MDGA2: variants seen among roughly 807,000 people sequenced by gnomAD.
MDGA2 encodes MAM domain-containing glycosylphosphatidylinositol anchor protein 2.
In MDGA2, 40 loss-of-function variants were observed where a neutral mutation model predicts 117.8. That is an observed-to-expected ratio of 0.34 (90% CI 0.26 to 0.44). The LOEUF is 0.44. Ranked by LOEUF, MDGA2 falls within the 20% of genes least tolerant of loss-of-function variation. The pLI, the probability that MDGA2 is intolerant of heterozygous loss-of-function variation, is 1.00. For synonymous variants in MDGA2, 452 were observed against 439.0 expected (o/e 1.03, Z -0.37); for missense variants, 1,123 against 1,250.6 (o/e 0.90, Z 1.54).
At chr14:47,301,590 G>T (rs1889287463) in intron 1 of MDGA2, 40 bp from the exon 2 acceptor site, 2 of 1,549,558 alleles carry the variant, frequency 1.3e-6, no homozygotes, top group Non-Finnish European at 1.7e-6. Flanking sequence ...TACATGAAAA[G>T]GTAAGTCAGT....
At chr14:47,387,536 A>C (rs1257890395) in intron 1 of MDGA2, among the ~76,000 whole-genome samples, 1 of 152,302 alleles carries the variant, frequency 6.6e-6, no homozygotes, top group Middle Eastern at 3.4e-3. Context: ...TGATGTAAGC[A>C]ATTTCAGCTA....
intron 2 of MDGA2, among the ~76,000 whole-genome samples, chr14:47,230,014 T>C (rs1886636897): frequency 6.6e-6 from 1 of 152,058 alleles, no homozygotes; most frequent in Non-Finnish European, 1.5e-5. Flanking sequence ...AGCATTTCCA[T>C]CTTTCCTTAA....
Position 46,912,022 on chromosome 14 carries a change from A to G in MDGA2, c.2238+7990T>C, listed in dbSNP as rs1487755038. On this transcript the variant is annotated intron_variant, in intron 10 of 16. Coordinates refer to ENST00000399232, the MANE Select transcript of MDGA2 (RefSeq NM_001113498.3). ...GGGAGTGATTCATTTAGACATGCCAATTCACCTCATGGGCTCATGTTTGGG... is the reference window on the plus strand; with the variant it reads ...GGGAGTGATTCATTTAGACATGCCAGTTCACCTCATGGGCTCATGTTTGGG... Among the ~76,000 whole-genome samples the G allele has an allele frequency of 7.2e-5, 11 of 152,138 alleles. No individual in the cohort carries two copies. The South Asian group carries it at 1.2e-3, about 17-fold the overall frequency.
chr14:46,842,801 T>A (rs537746695), intron 16 of MDGA2, among the ~76,000 whole-genome samples: 2 of 152,344 alleles, frequency 1.3e-5, no homozygotes, highest in South Asian at 4.1e-4. Context: ...TATATCTGCA[T>A]GGTGTGGACC....
At chr14:47,226,816 A>G (rs1027314106) in intron 2 of MDGA2, among the ~76,000 whole-genome samples, 1 of 152,070 alleles carries the variant, frequency 6.6e-6, no homozygotes, top group African/African-American at 2.4e-5. Flanking sequence ...ATGCCACAAC[A>G]AGCTTAGAAG....
intron 1 of MDGA2, among the ~76,000 whole-genome samples, chr14:47,480,220 A>G (rs1412392414): frequency 6.6e-6 from 1 of 152,078 alleles, no homozygotes; most frequent in Non-Finnish European, 1.5e-5. Context: ...ACATTTTCAG[A>G]GAGAAGAACT....
At chr14:47,430,516 G>A (rs1168967544) in intron 1 of MDGA2, among the ~76,000 whole-genome samples, 1 of 151,942 alleles carries the variant, frequency 6.6e-6, no homozygotes, top group Non-Finnish European at 1.5e-5. Flanking sequence ...ACACTTTATT[G>A]GGGGTGTAAG....
At chr14:47,479,597 A>C (rs1197730137) in intron 1 of MDGA2, among the ~76,000 whole-genome samples, 1 of 152,174 alleles carries the variant, frequency 6.6e-6, no homozygotes, top group Non-Finnish European at 1.5e-5. Context: ...TGTGCAATCT[A>C]ATGAAGGATC....
intron 2 of MDGA2, among the ~76,000 whole-genome samples, chr14:47,228,057 G>A (rs1165989450): frequency 1.3e-5 from 2 of 151,848 alleles, no homozygotes; most frequent in South Asian, 2.1e-4. Flanking sequence ...TTCCCATCTC[G>A]ATTACTGGTA....
chr14:47,174,240 G>A (rs1370240570), intron 3 of MDGA2, among the ~76,000 whole-genome samples: 2 of 152,058 alleles, frequency 1.3e-5, no homozygotes, highest in African/African-American at 2.4e-5. Context: ...ACAGATCAAC[G>A]AGACAGAAAG....
At chr14:47,225,803 A>T (rs995516074) in intron 2 of MDGA2, among the ~76,000 whole-genome samples, 2 of 147,124 alleles carry the variant, frequency 1.4e-5, no homozygotes, top group Non-Finnish European at 3.0e-5. Context: ...CCTAAAACTT[A>T]AAGTGTAATA....
Position 47,583,200 on chromosome 14 carries a change from G to A in MDGA2, c.280+91317C>T, listed in dbSNP as rs192286268. Among the ~76,000 whole-genome samples the A allele has an allele frequency of 1.8e-3, 274 of 151,974 alleles. 1 individual carries two copies. The highest frequency in any genetic ancestry group is 6.3e-3 in the African/African-American group (263 of 41,530). On this transcript the variant is annotated intron_variant, in intron 1 of 16. Coordinates refer to ENST00000399232, the MANE Select transcript of MDGA2 (RefSeq NM_001113498.3). ...AATGTGCAAGTAAATAAATGAGCAA[G>A]TGTAGTGTAATGCAGAGACTTAAGA...
chr14:47,241,806 G>T (rs1276072968), intron 2 of MDGA2, among the ~76,000 whole-genome samples: 1 of 151,798 alleles, frequency 6.6e-6, no homozygotes, highest in Non-Finnish European at 1.5e-5. Context: ...TTGGCAAAGT[G>T]ATGTTTACCT....
At chr14:47,600,183 C>G (rs1896620169) in intron 1 of MDGA2, among the ~76,000 whole-genome samples, 2 of 152,012 alleles carry the variant, frequency 1.3e-5, no homozygotes, top group South Asian at 4.2e-4. Flanking sequence ...ATTGCTTGAG[C>G]TCAGGAGTTT....
intron 8 of MDGA2, among the ~76,000 whole-genome samples, chr14:46,976,531 T>A (rs1454690557): frequency 2.0e-5 from 3 of 152,000 alleles, no homozygotes; most frequent in Non-Finnish European, 1.5e-5. Flanking sequence ...GGCAGAAATT[T>A]GCTTTTATTT....
Position 47,675,070 on chromosome 14 carries a change from G to C in MDGA2, c.-274C>G, listed in dbSNP as rs1418219993. On this transcript the variant is annotated 5_prime_UTR_variant, in exon 1 of 17. Coordinates refer to ENST00000399232, the MANE Select transcript of MDGA2 (RefSeq NM_001113498.3). The stretch of plus-strand genomic sequence containing the variant: ...GTGCCGCGCGGTAGGAGCCTGGCTT[G>C]GACAGCCGAGGAGCAGGAAGTGGCC... The C allele has an allele frequency of 6.1e-6, 1 of 163,398 alleles. No individual in the cohort carries two copies. The highest frequency in any genetic ancestry group is 1.8e-4 in the East Asian group (1 of 5,490). The allele number at this position is 163,398 out of a possible 1,614,324, so 10.1% of individuals were successfully genotyped here. A position where few individuals can be genotyped will look rare whatever the true frequency, so the allele number is the denominator to read the frequency against.
chr14:47,257,814 T>G (rs2139663259), intron 2 of MDGA2, among the ~76,000 whole-genome samples: 1 of 152,234 alleles, frequency 6.6e-6, no homozygotes, highest in South Asian at 2.1e-4. Flanking sequence ...TCCAGAGTGT[T>G]TTGTAGCACT....
chr14:47,572,187 C>T (rs1307444207), intron 1 of MDGA2, among the ~76,000 whole-genome samples: 3 of 152,176 alleles, frequency 2.0e-5, no homozygotes, highest in Non-Finnish European at 4.4e-5. Flanking sequence ...TGATTTATTA[C>T]ATTGCTGATT....
At chr14:47,038,753 C>G (rs569461416) in intron 7 of MDGA2, among the ~76,000 whole-genome samples, 4 of 151,186 alleles carry the variant, frequency 2.6e-5, no homozygotes, top group Admixed American at 2.0e-4. Context: ...CTGGTCAACA[C>G]GGTAAACCCC....
Sources: gnomAD v4.1 joint callset for allele counts (sites outside exome capture counted in the v4.1 genomes callset) on GRCh38, gnomAD v4.1.1 for gene constraint, MANE v1.5 for transcripts, NCBI Gene and HGNC (gene_info 2026-07-23, HGNC 2026-07-21) for gene names.